C3orf20: variants seen among roughly 807,000 people sequenced by gnomAD.
The protein encoded by C3orf20 is uncharacterized protein C3orf20.
In C3orf20, 76 loss-of-function variants were observed where a neutral mutation model predicts 88.3. The observed-to-expected ratio is 0.86, with a 90% CI of 0.72 to 1.04. The LOEUF (loss-of-function observed/expected upper bound fraction) is 1.04, where lower values mean the gene tolerates loss of function less well. Among genes scored for constraint, C3orf20 ranks in the 50% least tolerant of loss-of-function variants. The pLI is 0.00. For synonymous variants in C3orf20, 436 were observed against 437.4 expected, an observed-to-expected ratio of 1.00 and a Z score of 0.04; for missense variants, 1,056 against 1,123.3, an observed-to-expected ratio of 0.94 and a Z score of 0.86.
chr3:14,681,626 A>G (rs2032096444), intron 1 of C3orf20, among the ~76,000 whole-genome samples: 1 of 152,130 alleles, frequency 6.6e-6, no homozygotes, highest in African/African-American at 2.4e-5. Context: ...GGAGGCTCAC[A>G]CTCTCATAAA....
At chr3:14,738,504 AT>A (rs1307521253) in intron 12 of C3orf20, among the ~76,000 whole-genome samples, 1 of 147,018 alleles carries the variant, frequency 6.8e-6, no homozygotes. Flanking sequence ...AATTTTTTGT[AT>A]TTTTTTTAGT....
intron 15 of C3orf20, among the ~76,000 whole-genome samples, chr3:14,766,812 G>T (rs1457785802): frequency 6.6e-6 from 1 of 152,180 alleles, no homozygotes; most frequent in Non-Finnish European, 1.5e-5. Context: ...GAGGTGGGGC[G>T]CCAGGGTAGC....
At chr3:14,742,368 G>T (rs574111870) in intron 12 of C3orf20, among the ~76,000 whole-genome samples, 5 of 152,328 alleles carry the variant, frequency 3.3e-5, no homozygotes, top group Non-Finnish European at 5.9e-5. Flanking sequence ...TGTATAAATT[G>T]CAAATGTATC....
intron 1 of C3orf20, among the ~76,000 whole-genome samples, chr3:14,676,460 A>C (rs1456554514): frequency 6.6e-6 from 1 of 152,208 alleles, no homozygotes; most frequent in African/African-American, 2.4e-5. Flanking sequence ...TCTTTCTTTA[A>C]CATTTCTAAA....
intron 15 of C3orf20, among the ~76,000 whole-genome samples, chr3:14,767,748 T>G (rs1471693302): frequency 6.6e-6 from 1 of 152,254 alleles, no homozygotes; most frequent in African/African-American, 2.4e-5. Context: ...GAAGCAGCAA[T>G]GTGCCCTGTA....
intron 6 of C3orf20, among the ~76,000 whole-genome samples, chr3:14,704,027 A>G (rs2033391977): frequency 6.6e-6 from 1 of 152,064 alleles, no homozygotes; most frequent in Non-Finnish European, 1.5e-5. Context: ...CAACCTCAGG[A>G]CTGGGGTGAG....
At chr3:14,726,059 T>C (rs2034335356) in intron 10 of C3orf20, among the ~76,000 whole-genome samples, 1 of 152,168 alleles carries the variant, frequency 6.6e-6, no homozygotes, top group Non-Finnish European at 1.5e-5. Context: ...GCCCCAGCTG[T>C]TCAGAGCAGG....
intron 13 of C3orf20, among the ~76,000 whole-genome samples, chr3:14,758,312 G>A (rs1444528117): frequency 2.0e-5 from 3 of 152,178 alleles, no homozygotes; most frequent in Non-Finnish European, 4.4e-5. Flanking sequence ...TGGCCTGTGC[G>A]AAGGGGGACA....
chr3:14,769,883 G>A lies in C3orf20; in HGVS notation c.2496-2184G>A, dbSNP rs1314148443. 2.0e-5 allele frequency among the ~76,000 whole-genome samples: 3 copies of A among 152,172 alleles called. No homozygotes were observed. The East Asian group carries it at 5.8e-4, about 29-fold the overall frequency. Reference sequence around the variant, plus strand: ...GGCTGTGAACTCAGGGCCTTCTATAGGTATTTAGTCCTAGAGCTGAGCTCA... The same window carrying A: ...GGCTGTGAACTCAGGGCCTTCTATAAGTATTTAGTCCTAGAGCTGAGCTCA... On this transcript the variant is annotated intron_variant, in intron 15 of 16. Coordinates refer to ENST00000253697, the MANE Select transcript of C3orf20 (RefSeq NM_032137.5).
chr3:14,730,879 T>C (rs1404238022), intron 12 of C3orf20, among the ~76,000 whole-genome samples: 1 of 152,190 alleles, frequency 6.6e-6, no homozygotes, highest in Non-Finnish European at 1.5e-5. Context: ...ACAAAGTGGT[T>C]TTTTATTTGC....
rs761641715 is a variant in C3orf20, at chr3:14,715,364, G to A, written c.1389G>A (p.Trp463Ter). 2 of 1,612,422 alleles carry A rather than the reference G, an allele frequency of 1.2e-6. No individual in the cohort carries two copies. The highest frequency in any genetic ancestry group is 2.2e-5 in the South Asian group (2 of 90,954). The change falls in exon 9 of 17, where the codon TGG becomes TGA. Residue 463 changes from tryptophan (W) to a stop codon, truncating the protein, a stop_gained. Coordinates refer to ENST00000253697, the MANE Select transcript of C3orf20 (RefSeq NM_032137.5). LOFTEE classifies it high-confidence loss of function. ...NDQQGYVVHK[W>*]SWTSRTETLL... ...AGCAGGGCTATGTAGTCCACAAGTG[G>A]AGCTGGACTTCCAGGACAGAGACCC...
Position 14,704,561 on chromosome 3 carries a change from C to T in C3orf20, c.1103C>T (p.Ala368Val), listed in dbSNP as rs769972859. ...AGTCAGCATTGTCAAGAGGGGAAGGCACCCAAGAAGGCCTTCAAGTTTCAT... is the reference window on the plus strand; with the variant it reads ...AGTCAGCATTGTCAAGAGGGGAAGGTACCCAAGAAGGCCTTCAAGTTTCAT... ...HFSQHCQEGK[A>V]PKKAFKFHYT... Residue 368 changes from alanine to valine, a missense_variant, in exon 7 of 17, where the codon GCA becomes GTA. Ala to Val is a moderately conservative substitution (Grantham distance 64). Transcript: ENST00000253697. 3.1e-6 allele frequency: 5 copies of T among 1,614,132 alleles called. No individual in the cohort carries two copies. The Admixed American group carries it at 8.3e-5, about 27-fold the overall frequency.
At chr3:14,736,929 C>T (rs2034731363) in intron 12 of C3orf20, among the ~76,000 whole-genome samples, 1 of 152,136 alleles carries the variant, frequency 6.6e-6, no homozygotes, top group Non-Finnish European at 1.5e-5. Context: ...TTTGTTTTAG[C>T]ACTTTGAAGA....
chr3:14,759,736 C>T (rs1210048596), intron 13 of C3orf20, among the ~76,000 whole-genome samples, 155 bp from the exon 14 acceptor site: 1 of 152,160 alleles, frequency 6.6e-6, no homozygotes, highest in African/African-American at 2.4e-5. Flanking sequence ...GGTGTGCATG[C>T]AGGCCCAAGG....
intron 15 of C3orf20, among the ~76,000 whole-genome samples, chr3:14,762,574 ATCC>A (rs1293561197): frequency 6.6e-6 from 1 of 152,108 alleles, no homozygotes; most frequent in African/African-American, 2.4e-5. Flanking sequence ...TACCTCCCTA[ATCC>A]TCTGTTTCCT....
intron 12 of C3orf20, among the ~76,000 whole-genome samples, chr3:14,729,433 G>A (rs1399309494): frequency 1.3e-5 from 2 of 152,212 alleles, no homozygotes; most frequent in African/African-American, 4.8e-5. Context: ...CTGGAGTGTG[G>A]TGGAAAAGGG....
chr3:14,730,666 C>T (rs530580287), intron 12 of C3orf20, among the ~76,000 whole-genome samples: 19 of 152,196 alleles, frequency 1.2e-4, no homozygotes, highest in African/African-American at 4.3e-4. Context: ...TGGCATATGC[C>T]AGGATGTGAA....
In C3orf20 at chr3:14,684,338, G is replaced by C; in HGVS notation, c.581G>C (p.Ser194Thr). The C allele has an allele frequency of 6.2e-7, 1 of 1,614,162 alleles. No homozygotes were observed. Among genetic ancestry groups the C allele is most frequent in the Non-Finnish European group, 8.5e-7 (1 of 1,180,020 alleles). The change falls in exon 4 of 17, where the codon AGC (serine) becomes ACC (threonine). Residue 194 changes from serine (S) to threonine (T), a missense_variant. Ser to Thr is a moderately conservative substitution (Grantham distance 58). Transcript: ENST00000253697. ...GAGATGGCCTTCAACTGCCTGATCA[G>C]CACAGCCGGGAGAAGTGGCTACAGC... Reference protein sequence around the residue: ...AKEMAFNCLISTAGRSGYSSG... With the variant: ...AKEMAFNCLITTAGRSGYSSG...
Position 14,704,563 on chromosome 3 carries a change from C to T in C3orf20, c.1105C>T (p.Pro369Ser), listed in dbSNP as rs773330048. ...TCAGCATTGTCAAGAGGGGAAGGCA[C>T]CCAAGAAGGCCTTCAAGTTTCATTA... Reference protein sequence around the residue: ...FSQHCQEGKAPKKAFKFHYTF... With the variant: ...FSQHCQEGKASKKAFKFHYTF... The change falls in exon 7 of 17, where the codon CCC (proline) becomes TCC (serine). Residue 369 changes from proline (P) to serine (S), a missense_variant. Coordinates refer to ENST00000253697, the MANE Select transcript of C3orf20 (RefSeq NM_032137.5). The T allele has an allele frequency of 5.5e-5, 89 of 1,613,982 alleles. No homozygotes were observed. Among genetic ancestry groups the T allele is most frequent in the Non-Finnish European group, 7.0e-5 (83 of 1,180,028 alleles).
Sources: gnomAD v4.1 joint callset for allele counts (sites outside exome capture counted in the v4.1 genomes callset) on GRCh38, gnomAD v4.1.1 for gene constraint, MANE v1.5 for transcripts, NCBI Gene and HGNC (gene_info 2026-07-23, HGNC 2026-07-21) for gene names.